GALNT18: variants seen among roughly 807,000 people sequenced by gnomAD.
GALNT18 encodes the protein polypeptide N-acetylgalactosaminyltransferase 18, also known as GalNAc-transferase 18.
Under a neutral mutation model 69.5 loss-of-function variants are expected in GALNT18, and 44 were observed. The observed-to-expected ratio is 0.63, with a 90% CI of 0.50 to 0.81. The LOEUF (loss-of-function observed/expected upper bound fraction) is 0.81, where lower values mean the gene tolerates loss of function less well. Among genes scored for constraint, GALNT18 ranks in the 40% least tolerant of loss-of-function variants. The pLI, the probability that GALNT18 is intolerant of heterozygous loss-of-function variation, is 0.00. For missense variants in GALNT18, 715 were observed against 810.0 expected, an observed-to-expected ratio of 0.88 and a Z score of 1.42; for synonymous variants, 364 against 318.2, an observed-to-expected ratio of 1.14 and a Z score of -1.53.
At position 11,620,626 on chromosome 11, in the gene GALNT18, G is replaced by T. The variant is rs552398770; in HGVS notation, c.235+733C>A. Among the ~76,000 whole-genome samples, 1 of 152,182 alleles carries T rather than the reference G, an allele frequency of 6.6e-6. No homozygotes were observed. Among genetic ancestry groups the T allele is most frequent in the South Asian group, 2.1e-4 (1 of 4,834 alleles). ...CCGCGGGGAAGGCGCAGCCCAGGGC[G>T]TGTTCTTCCAGTCTTGGGCGGAGTC... On this transcript the variant is annotated intron_variant, in intron 1 of 10. Coordinates refer to ENST00000227756, the MANE Select transcript of GALNT18 (RefSeq NM_198516.3). The surrounding 1 kb of genome is among the most constrained non-coding windows in gnomAD (Gnocchi z 6.9).
intron 7 of GALNT18, among the ~76,000 whole-genome samples, chr11:11,334,639 A>G (rs1850079473): frequency 6.6e-6 from 1 of 152,216 alleles, no homozygotes; most frequent in East Asian, 1.9e-4. Context: ...TGAACCTGCT[A>G]CAGCCTGAAG....
In GALNT18 at chr11:11,461,133, G is replaced by C. The variant is rs568413121; in HGVS notation, c.236-12197C>G. On this transcript the variant is annotated intron_variant, in intron 1 of 10. Coordinates refer to ENST00000227756, the MANE Select transcript of GALNT18 (RefSeq NM_198516.3). This position sits in a 1 kb window ranked among gnomAD's most constrained non-coding sequence, Gnocchi z 4.1. ...CATCTGACTCTGCAAGCTTAGTCCA[G>C]ATACTACAGGATGATCTCTCTCCGT... Among the ~76,000 whole-genome samples the C allele has an allele frequency of 4.9e-4, 74 of 152,306 alleles. No homozygotes were observed. The highest frequency in any genetic ancestry group is 8.7e-4 in the Non-Finnish European group (59 of 68,034).
intron 6 of GALNT18, among the ~76,000 whole-genome samples, chr11:11,363,406 G>T (rs929843208): frequency 6.6e-6 from 1 of 152,118 alleles, no homozygotes; most frequent in African/African-American, 2.4e-5. Flanking sequence ...GTACATCCTA[G>T]TGGGATAAAA....
chr11:11,323,953 A>C (rs562013999), intron 9 of GALNT18, among the ~76,000 whole-genome samples: 2 of 152,178 alleles, frequency 1.3e-5, no homozygotes, highest in South Asian at 4.2e-4. Flanking sequence ...TCAGATCTTT[A>C]AGTTAAGGTT....
chr11:11,369,622 T>C (rs1233985634), intron 6 of GALNT18, among the ~76,000 whole-genome samples: 1 of 150,960 alleles, frequency 6.6e-6, no homozygotes, highest in Non-Finnish European at 1.5e-5. Context: ...ACCATAATAG[T>C]CTCCAACAAT....
At position 11,592,929 on chromosome 11, in the gene GALNT18, G is replaced by GTTTGTTT. The variant is rs112673107; in HGVS notation, c.235+28423_235+28429dup. ...CCCATGCTTCGCGTTGTTTTTTTCT[G>GTTTGTTT]TTTGTTTTTTGTTTTTGTCTCTGTC... is the stretch of plus-strand genomic sequence containing the variant. On this transcript the variant is annotated intron_variant, in intron 1 of 10. Coordinates refer to ENST00000227756, the MANE Select transcript of GALNT18 (RefSeq NM_198516.3). This position sits in a 1 kb window ranked among gnomAD's most constrained non-coding sequence, Gnocchi z 5.9. Among the ~76,000 whole-genome samples, 3,606 of 152,108 alleles carry GTTTGTTT rather than the reference G, an allele frequency of 0.024. 150 individuals carry two copies. The highest frequency in any genetic ancestry group is 0.083 in the African/African-American group (3,436 of 41,454).
intron 1 of GALNT18, among the ~76,000 whole-genome samples, chr11:11,474,301 G>T (rs529354986): frequency 1.9e-4 from 29 of 152,110 alleles, no homozygotes; most frequent in South Asian, 6.2e-4. Context: ...TAAAAGACTT[G>T]TGGCCAGAAA....
chr11:11,571,364 T>C (rs9919625), intron 1 of GALNT18, among the ~76,000 whole-genome samples: 129,348 of 152,272 alleles, frequency 0.85, 55,067 homozygotes, highest in South Asian at 0.92. Flanking sequence ...GAGTCTGCAA[T>C]AGGTGTCTCA....
intron 6 of GALNT18, among the ~76,000 whole-genome samples, chr11:11,343,068 T>C (rs1850239085): frequency 6.6e-6 from 1 of 152,144 alleles, no homozygotes; most frequent in Non-Finnish European, 1.5e-5. Context: ...CCCTTGCCAG[T>C]TGCGGTGGCT....
chr11:11,316,512 T>G (rs909272003), intron 9 of GALNT18, among the ~76,000 whole-genome samples: 1 of 152,162 alleles, frequency 6.6e-6, no homozygotes, highest in Non-Finnish European at 1.5e-5. Context: ...CAGGTTAAAA[T>G]AGAGTACTTC....
At position 11,365,757 on chromosome 11, in the gene GALNT18, A is replaced by G. The variant is rs139809742; in HGVS notation, c.1092+6758T>C. On this transcript the variant is annotated intron_variant, in intron 6 of 10. Transcript: ENST00000227756. ...TAGAGAGTTTTTTCAAGTCTCATTT[A>G]TGATAAAGTATCTGGAATATGAAGA... is the stretch of plus-strand genomic sequence containing the variant. 1.8e-3 allele frequency among the ~76,000 whole-genome samples: 278 copies of G among 152,262 alleles called. 1 individual carries two copies. The highest frequency in any genetic ancestry group is 6.5e-3 in the African/African-American group (268 of 41,542).
intron 10 of GALNT18, among the ~76,000 whole-genome samples, chr11:11,278,908 A>AT (rs1849006185): frequency 6.6e-6 from 1 of 152,268 alleles, no homozygotes; most frequent in African/African-American, 2.4e-5. Context: ...TAACCCAATT[A>AT]TTCTGATTTG....
chr11:11,376,534 T>A (rs916961605), intron 5 of GALNT18, among the ~76,000 whole-genome samples: 1 of 152,186 alleles, frequency 6.6e-6, no homozygotes, highest in African/African-American at 2.4e-5. Flanking sequence ...ACCTTTGAAA[T>A]GCAGTATGAA....
rs985809551 is a variant in GALNT18, at chr11:11,463,553, T to A, written c.236-14617A>T. 5.3e-5 allele frequency among the ~76,000 whole-genome samples: 8 copies of A among 152,106 alleles called. No homozygotes were observed. The highest frequency in any genetic ancestry group is 1.5e-5 in the Non-Finnish European group (1 of 68,014). On this transcript the variant is annotated intron_variant, in intron 1 of 10. Transcript: ENST00000227756. This position sits in a 1 kb window ranked among gnomAD's most constrained non-coding sequence, Gnocchi z 4.2. ...GCCCCAGGGCTGAGCGTGCCATCAC[T>A]CCCAGCAGCTGTCGGCTCACTGGAC...
chr11:11,353,902 G>A (rs528473241), intron 6 of GALNT18, among the ~76,000 whole-genome samples: 2 of 152,182 alleles, frequency 1.3e-5, no homozygotes, highest in Non-Finnish European at 2.9e-5. Context: ...GCCAAGCCTG[G>A]GGAGCAGACA....
Position 11,271,190 on chromosome 11 carries a change from C to T in GALNT18, c.1778G>A (p.Gly593Asp), listed in dbSNP as rs748324543. ...GFQLVLQKCS[G>D]QHWSITNVLR... is the part of the protein sequence containing the mutation. ...GACGTTGGTGATGCTCCAGTGCTGGCCCGAGCACTTCTGCAACACCAGCTG... is the reference window on the plus strand; with the variant it reads ...GACGTTGGTGATGCTCCAGTGCTGGTCCGAGCACTTCTGCAACACCAGCTG... Residue 593 changes from glycine (G) to aspartate (D), a missense_variant, in exon 11 of 11, where the codon GGC becomes GAC. Transcript: ENST00000227756. 3.7e-6 allele frequency: 6 copies of T among 1,614,062 alleles called. No individual in the cohort carries two copies. The highest frequency in any genetic ancestry group is 2.2e-5 in the South Asian group (2 of 91,084).
At chr11:11,539,949 C>T (rs565232804) in intron 1 of GALNT18, among the ~76,000 whole-genome samples, 1 of 152,174 alleles carries the variant, frequency 6.6e-6, no homozygotes, top group African/African-American at 2.4e-5. Context: ...AGACACAGTG[C>T]CTTGCAGGGG....
chr11:11,510,103 C>T (rs1211768972), intron 1 of GALNT18, among the ~76,000 whole-genome samples: 6 of 152,182 alleles, frequency 3.9e-5, no homozygotes, highest in Admixed American at 2.0e-4. Context: ...GAAAACTCAA[C>T]ACAAGGGAAG....
chr11:11,276,957 T>C (rs1848963205), intron 10 of GALNT18, among the ~76,000 whole-genome samples: 1 of 152,180 alleles, frequency 6.6e-6, no homozygotes, highest in Non-Finnish European at 1.5e-5. Flanking sequence ...ATCAGGGATA[T>C]TGGCCTGAAA....
Sources: allele counts gnomAD v4.1 joint callset (sites outside exome capture counted in the v4.1 genomes callset), GRCh38; gene constraint gnomAD v4.1.1; non-coding constraint Gnocchi (gnomAD v3.1); transcripts MANE v1.5; gene names NCBI Gene and HGNC (gene_info 2026-07-23, HGNC 2026-07-21).